Variants in MAP7D1 observed in about 807,000 individuals in gnomAD.
MAP7D1 encodes the protein MAP7 domain-containing protein 1.
A neutral mutation model predicts 97.5 loss-of-function variants in MAP7D1; 30 were observed. That is an observed-to-expected ratio of 0.31 (90% confidence interval 0.23 to 0.42). The LOEUF (loss-of-function observed/expected upper bound fraction) is 0.42, where lower values mean the gene tolerates loss of function less well. Ranked by LOEUF, MAP7D1 falls within the 10% of genes least tolerant of loss-of-function variation. The pLI, the probability that MAP7D1 is intolerant of heterozygous loss-of-function variation, is 1.00. For missense variants in MAP7D1, 1,184 were observed against 1,179.5 expected, an observed-to-expected ratio of 1.00 and a Z score of -0.06; for synonymous variants, 536 against 477.1, an observed-to-expected ratio of 1.12 and a Z score of -1.61.
intron 4 of MAP7D1, 28 bp from the exon 5 acceptor site, chr1:36,173,334 CAT>C: frequency 6.4e-7 from 1 of 1,551,020 alleles, no homozygotes; most frequent in Non-Finnish European, 8.9e-7. Context: ...TCTGAGTCCA[CAT>C]CTCTCTCTTC....
Position 36,178,072 on chromosome 1 carries a change from A to G in MAP7D1, c.1579A>G (p.Ser527Gly). The change falls in exon 9 of 17, where the codon AGC becomes GGC. Residue 527 changes from serine (S) to glycine (G), a missense_variant. Ser to Gly is a moderately conservative substitution (Grantham distance 56). Coordinates refer to ENST00000474796, the MANE Select transcript of MAP7D1 (RefSeq NM_001388490.1). ...CAGCGCCGCAGGGCCCGAGGACAAG[A>G]GCCAGAGCAAGCGCAGGGCCAGTAA... is the stretch of plus-strand genomic sequence containing the variant. ...SPSAAGPEDK[S>G]QSKRRASNEK... 1.2e-6 allele frequency: 2 copies of G among 1,609,788 alleles called. No homozygotes were observed. The highest frequency in any genetic ancestry group is 1.7e-6 in the Non-Finnish European group (2 of 1,178,278).
Position 36,176,413 on chromosome 1 carries a change from T to C in MAP7D1, c.1065T>C (p.Ser355=). The C allele has an allele frequency of 6.5e-7, 1 of 1,533,178 alleles. No homozygotes were observed. The highest frequency in any genetic ancestry group is 8.7e-7 in the Non-Finnish European group (1 of 1,148,402). 95.0% of individuals were successfully genotyped at this position (1,533,178 alleles called of 1,614,324 possible). The part of the protein sequence containing the change: ...RGPQPDRTHP[S]AAVPVCPRSA... ...CGCAACCCGACCGCACTCATCCCTCTGCAGCCGTGCCGGTGTGCCCGCGCT... is the reference window on the plus strand; with the variant it reads ...CGCAACCCGACCGCACTCATCCCTCCGCAGCCGTGCCGGTGTGCCCGCGCT... Residue 355 remains serine (S), a synonymous_variant, in exon 7 of 17, where the codon TCT becomes TCC. Coordinates refer to ENST00000474796, the MANE Select transcript of MAP7D1 (RefSeq NM_001388490.1). The surrounding 1 kb of genome is among the most constrained non-coding windows in gnomAD (Gnocchi z 6.1).
At chr1:36,179,835 G>A in intron 15 of MAP7D1, 39 bp from the exon 16 acceptor site, 1 of 1,584,174 alleles carries the variant, frequency 6.3e-7, no homozygotes, top group Non-Finnish European at 8.6e-7. Context: ...GGGCTTTCCT[G>A]GGAGGTGAGG....
rs1472148800 is a variant in MAP7D1, at chr1:36,162,343, C to T, written c.46+5880C>T. ...CTGAGCTCAGTGCCTGCTTGCCCCA[C>T]CTGCACCCTTCACTTTTGTGGGGGA... On this transcript the variant is annotated intron_variant, in intron 1 of 16. Coordinates refer to ENST00000474796, the MANE Select transcript of MAP7D1 (RefSeq NM_001388490.1). Among the ~76,000 whole-genome samples the T allele has an allele frequency of 2.0e-5, 3 of 152,220 alleles. No individual in the cohort carries two copies. In the East Asian group the frequency reaches 5.8e-4, roughly 29 times the overall value.
chr1:36,166,057 G>A (rs1332354534), intron 1 of MAP7D1, among the ~76,000 whole-genome samples: 2 of 152,100 alleles, frequency 1.3e-5, no homozygotes, highest in African/African-American at 4.8e-5. Context: ...TAGGGGCTAA[G>A]GGAAGGCTCC....
Position 36,178,611 on chromosome 1 carries a change from G to A in MAP7D1, c.1886+15G>A, listed in dbSNP as rs1482608072. The A allele has an allele frequency of 2.6e-6, 4 of 1,562,580 alleles. No homozygotes were observed. In the South Asian group the frequency reaches 4.6e-5, roughly 18 times the overall value. On this transcript the variant is annotated intron_variant, in intron 10 of 16. Transcript: ENST00000474796. ...GAAAGGGACAAGTGAGTGCGCCTCG[G>A]GGACTGAGGGGGCCCTCGTGGGCGC...
At chr1:36,174,715 T>C (rs1267070133) in intron 5 of MAP7D1, among the ~76,000 whole-genome samples, 183 bp from the exon 6 acceptor site, 1 of 150,630 alleles carries the variant, frequency 6.6e-6, no homozygotes, top group Admixed American at 6.6e-5. Context: ...CCAGGTTGTC[T>C]CTGGTCACCT....
rs1295585642 is a variant in MAP7D1, at chr1:36,176,648, G to A, written c.1234-49G>A. On this transcript the variant is annotated intron_variant, in intron 7 of 16. Transcript: ENST00000474796. The surrounding 1 kb of genome is among the most constrained non-coding windows in gnomAD (Gnocchi z 6.1). ...CAGGCAGCCTGGAACTGGGGTACGCGGGCGCTGCTGACCTCTACTCTCCTC... is the reference window on the plus strand; with the variant it reads ...CAGGCAGCCTGGAACTGGGGTACGCAGGCGCTGCTGACCTCTACTCTCCTC... 2.5e-6 allele frequency: 4 copies of A among 1,590,258 alleles called. No homozygotes were observed. Among genetic ancestry groups the A allele is most frequent in the Non-Finnish European group, 2.6e-6 (3 of 1,165,306 alleles).
intron 1 of MAP7D1, among the ~76,000 whole-genome samples, chr1:36,164,954 A>G (rs1455814229): frequency 6.6e-6 from 1 of 152,228 alleles, no homozygotes; most frequent in Non-Finnish European, 1.5e-5. Context: ...TTGGCCCTAG[A>G]GATAGACCAG....
intron 1 of MAP7D1, among the ~76,000 whole-genome samples, chr1:36,157,053 G>A (rs969859019): frequency 2.0e-5 from 3 of 152,220 alleles, no homozygotes; most frequent in Admixed American, 2.0e-4. Context: ...GAGGAGAGAG[G>A]GAGGTCTCTA....
intron 1 of MAP7D1, among the ~76,000 whole-genome samples, chr1:36,157,007 T>C (rs1644342421): frequency 6.6e-6 from 1 of 151,924 alleles, no homozygotes; most frequent in African/African-American, 2.4e-5. Flanking sequence ...GGCCTGTTGC[T>C]GCTGCGGGCC....
chr1:36,177,097 C>T (rs929272008), intron 8 of MAP7D1, among the ~76,000 whole-genome samples: 2 of 151,972 alleles, frequency 1.3e-5, no homozygotes, highest in African/African-American at 2.4e-5. Context: ...GCTACAGGCG[C>T]GCCACCACGC....
At position 36,171,253 on chromosome 1, in the gene MAP7D1, G is replaced by C. The variant is rs112601844; in HGVS notation, c.329G>C (p.Arg110Pro). Reference protein sequence around the residue: ...AMGPRDARPPRRSSQPSPTAV... With the variant: ...AMGPRDARPPPRSSQPSPTAV... ...GGCCCACGGGATGCCAGACCTCCTCGAAGGAGCAGCCAGCCATCTCCAACA... is the reference window on the plus strand; with the variant it reads ...GGCCCACGGGATGCCAGACCTCCTCCAAGGAGCAGCCAGCCATCTCCAACA... The change falls in exon 2 of 17, where the codon CGA becomes CCA. Residue 110 changes from arginine (R) to proline (P), a missense_variant. Physicochemically the swap from Arg to Pro is moderately radical, Grantham distance 103. Transcript: ENST00000474796. 6.3e-7 allele frequency: 1 copy of C among 1,599,904 alleles called. No homozygotes were observed. Among genetic ancestry groups the C allele is most frequent in the South Asian group, 1.1e-5 (1 of 89,466 alleles).
rs758006969 is a variant in MAP7D1, at chr1:36,171,160, C to A, written c.236C>A (p.Pro79Gln). 2 of 1,613,964 alleles carry A rather than the reference C, an allele frequency of 1.2e-6. No homozygotes were observed. The highest frequency in any genetic ancestry group is 1.3e-5 in the African/African-American group (1 of 75,032). The change falls in exon 2 of 17, where the codon CCA becomes CAA. Residue 79 changes from proline to glutamine, a missense_variant. Physicochemically the swap from Pro to Gln is moderately conservative, Grantham distance 76. Coordinates refer to ENST00000474796, the MANE Select transcript of MAP7D1 (RefSeq NM_001388490.1). ...ESPSGQVGPR[P>Q]APPQEESPSS... ...CCCTCAGGGCAGGTCGGGCCTAGGC[C>A]AGCCCCCCCGCAGGAAGAGTCCCCT...
intron 3 of MAP7D1, 164 bp downstream of exon 3, chr1:36,171,745 C>A: frequency 1.7e-6 from 1 of 577,106 alleles, no homozygotes; most frequent in African/African-American, 1.9e-5. Flanking sequence ...CTAGCCTGAC[C>A]AATGTGGAGA....
rs2274166 is a variant in MAP7D1, at chr1:36,156,309, G to A, written c.-109G>A. The A allele has an allele frequency of 1.1e-6, 1 of 908,316 alleles. No homozygotes were observed. Among genetic ancestry groups the A allele is most frequent in the Non-Finnish European group, 1.5e-6 (1 of 669,692 alleles). 56.3% of individuals were successfully genotyped at this position (908,316 alleles called of 1,614,324 possible). On this transcript the variant is annotated 5_prime_UTR_variant, in exon 1 of 17. Transcript: ENST00000474796. ...CGCCCCCGCCTCCGAGTCGCTACTT[G>A]CCGGGCCGGGCCGGGCCGGGCGTGA...
Position 36,176,630 on chromosome 1 carries a change from C to CCTG in MAP7D1, c.1233+50_1233+52dup, listed in dbSNP as rs1557781298. On this transcript the variant is annotated intron_variant, in intron 7 of 16. Coordinates refer to ENST00000474796, the MANE Select transcript of MAP7D1 (RefSeq NM_001388490.1). This position sits in a 1 kb window ranked among gnomAD's most constrained non-coding sequence, Gnocchi z 6.1. ...TGGCCGCGCAGGTGGGGACAGGCAG[C>CCTG]CTGGAACTGGGGTACGCGGGCGCTG... 2.5e-6 allele frequency: 4 copies of CCTG among 1,573,364 alleles called. No individual in the cohort carries two copies. Among genetic ancestry groups the CCTG allele is most frequent in the Non-Finnish European group, 2.6e-6 (3 of 1,156,304 alleles).
intron 4 of MAP7D1, 49 bp from the exon 5 acceptor site, chr1:36,173,315 G>T: frequency 6.9e-7 from 1 of 1,446,354 alleles, no homozygotes; most frequent in South Asian, 1.2e-5. Context: ...TCCCAAATTC[G>T]ATGAATGTTC....
At chr1:36,180,189 C>T in intron 16 of MAP7D1, 59 bp from the exon 17 acceptor site, 1 of 1,613,400 alleles carries the variant, frequency 6.2e-7, no homozygotes, top group South Asian at 1.1e-5. Flanking sequence ...TGAAGACCCC[C>T]AGCTATCTGG....
Sources: allele counts gnomAD v4.1 joint callset (sites outside exome capture counted in the v4.1 genomes callset), GRCh38; gene constraint gnomAD v4.1.1; non-coding constraint Gnocchi (gnomAD v3.1); transcripts MANE v1.5; gene names NCBI Gene and HGNC (gene_info 2026-07-23, HGNC 2026-07-21).